The following FER variants were observed in gnomAD, a reference collection of about 807,000 sequenced individuals.
FER encodes the protein FER tyrosine kinase.
A neutral mutation model predicts 111.0 loss-of-function variants in FER; 63 were observed. That is an observed-to-expected ratio of 0.57 (90% CI 0.46 to 0.70). The LOEUF is 0.70. Among genes scored for constraint, FER ranks in the 30% least tolerant of loss-of-function variants. FER has a pLI of 0.00. For synonymous variants in FER, 327 were observed against 313.9 expected, an observed-to-expected ratio of 1.04 and a Z score of -0.44; for missense variants, 914 against 954.0, an observed-to-expected ratio of 0.96 and a Z score of 0.55.
intron 9 of FER, chr5:108,891,516 C>A (rs1230700431): frequency 6.6e-6 from 1 of 151,834 alleles, no homozygotes; most frequent in African/African-American, 2.4e-5. Flanking sequence ...CTCCTTCTCC[C>A]ATTCTCACTA....
intron 3 of FER, among the ~76,000 whole-genome samples, chr5:108,803,490 T>G (rs542361789): frequency 2.3e-3 from 343 of 152,296 alleles, no homozygotes; most frequent in Non-Finnish European, 3.7e-3. Flanking sequence ...CTTTAATCCA[T>G]TCTGAATTAA....
At position 108,832,791 on chromosome 5, in the gene FER, C is replaced by T; in HGVS notation, c.229C>T (p.Gln77Ter). 1 of 1,514,758 alleles carries T rather than the reference C, an allele frequency of 6.6e-7. No homozygotes were observed. The highest frequency in any genetic ancestry group is 8.8e-7 in the Non-Finnish European group (1 of 1,132,746). The allele number at this position is 1,514,758 out of a possible 1,614,324, so 93.8% of individuals were successfully genotyped here. A position where few individuals can be genotyped will look rare whatever the true frequency, so the allele number is the denominator to read the frequency against. Residue 77 changes from glutamine (Q) to a stop codon, truncating the protein, a stop_gained, in exon 4 of 20, where the codon CAG becomes TAG. Coordinates refer to ENST00000281092, the MANE Select transcript of FER (RefSeq NM_005246.4). LOFTEE classifies it high-confidence loss of function. ...TAAGTCTTGGCTACTTATGATTCAG[C>T]AGACAGAACAACTTAGTAGGATAAT... is the stretch of plus-strand genomic sequence containing the variant. ...VSKSWLLMIQ[Q>*]TEQLSRIMKT... is the part of the protein sequence containing the mutation.
chr5:108,838,690 G>T (rs1404535911), intron 5 of FER, among the ~76,000 whole-genome samples: 1 of 152,112 alleles, frequency 6.6e-6, no homozygotes, highest in Non-Finnish European at 1.5e-5. Flanking sequence ...TTAGTATAAT[G>T]TAAAATGTAA....
intron 10 of FER, among the ~76,000 whole-genome samples, chr5:108,911,071 A>C (rs1326876667): frequency 6.6e-6 from 1 of 152,142 alleles, no homozygotes; most frequent in Admixed American, 6.5e-5. Context: ...AAGTTTAACT[A>C]ATTTACATTC....
At chr5:109,184,850 TTTTTTTC>T (rs1467926413) in intron 18 of FER, among the ~76,000 whole-genome samples, 7 of 152,076 alleles carry the variant, frequency 4.6e-5, no homozygotes, top group African/African-American at 1.7e-4. Flanking sequence ...ACTAAGTACT[TTTTTTTC>T]TTTTTTTAAG....
chr5:109,186,402 G>A lies in FER; in HGVS notation c.2326+80G>A. ...TGCTTATAGTGTGTCTGCTTGAGGA[G>A]GGGTGTGTTAAATACTGTTTGGTTG... On this transcript the variant is annotated intron_variant, in intron 19 of 19. Transcript: ENST00000281092. 4 of 1,603,718 alleles carry A rather than the reference G, an allele frequency of 2.5e-6. No homozygotes were observed. In the South Asian group the frequency reaches 4.4e-5, roughly 18 times the overall value.
At position 109,190,830 on chromosome 5, in the gene FER, A is replaced by C. The variant is rs1472204453; in HGVS notation, c.*3255A>C. ...AAATACGATATTACTGAAACATCTT[A>C]TTAGCAGATAAGTATAGACCAGGAG... On this transcript the variant is annotated 3_prime_UTR_variant, in exon 20 of 20. Coordinates refer to ENST00000281092, the MANE Select transcript of FER (RefSeq NM_005246.4). 1 of 152,222 alleles carries C rather than the reference A, an allele frequency of 6.6e-6. No individual in the cohort carries two copies. Among genetic ancestry groups the C allele is most frequent in the Non-Finnish European group, 1.5e-5 (1 of 68,032 alleles). 9.4% of individuals were successfully genotyped at this position (152,222 alleles called of 1,614,324 possible).
At chr5:108,894,926 G>C (rs1025510172) in intron 9 of FER, among the ~76,000 whole-genome samples, 2 of 152,148 alleles carry the variant, frequency 1.3e-5, no homozygotes, top group African/African-American at 4.8e-5. Context: ...GTGGGAATTA[G>C]GGGGGCTACA....
In FER at chr5:108,867,930, A is replaced by G; in HGVS notation, c.645A>G (p.Gln215=). The change falls in exon 6 of 20, where the codon CAA becomes CAG. Residue 215 remains glutamine (Q), a synonymous_variant. Transcript: ENST00000281092. ...TTCTGGACTCCTTACAAAAGATGCA[A>G]GAAGAAATGATAAAAGCACTGTAAG... ...PLLLDSLQKM[Q]EEMIKALKGI... is the part of the protein sequence containing the mutation. The G allele has an allele frequency of 6.2e-7, 1 of 1,607,442 alleles. No homozygotes were observed. Among genetic ancestry groups the G allele is most frequent in the East Asian group, 2.2e-5 (1 of 44,806 alleles).
At chr5:108,933,857 T>C (rs932528510) in intron 10 of FER, among the ~76,000 whole-genome samples, 1 of 152,182 alleles carries the variant, frequency 6.6e-6, no homozygotes, top group African/African-American at 2.4e-5. Context: ...TTTTATTCTC[T>C]CTGTAGCAGT....
At chr5:108,893,319 A>G (rs1320480230) in intron 9 of FER, among the ~76,000 whole-genome samples, 1 of 151,356 alleles carries the variant, frequency 6.6e-6, no homozygotes, top group Non-Finnish European at 1.5e-5. Flanking sequence ...CTAAAAGTTT[A>G]ATAGTTTGAG....
chr5:108,984,322 A>T (rs528592358), intron 13 of FER, among the ~76,000 whole-genome samples: 1 of 152,170 alleles, frequency 6.6e-6, no homozygotes, highest in East Asian at 1.9e-4. Context: ...AAACAATTCT[A>T]TTAGTCAAGT....
At chr5:108,782,901 CT>C (rs1209683205) in intron 2 of FER, 2 of 152,142 alleles carry the variant, frequency 1.3e-5, no homozygotes, top group African/African-American at 4.8e-5. Flanking sequence ...ACTGTTAGCC[CT>C]TTGTCAAAAA....
chr5:108,816,505 G>A (rs769111596), intron 3 of FER, among the ~76,000 whole-genome samples: 36 of 152,124 alleles, frequency 2.4e-4, no homozygotes, highest in Non-Finnish European at 4.6e-4. Context: ...GCTTCTTAAC[G>A]TTTAATATGT....
rs577733330 is a variant in FER, at chr5:108,836,386, A to C, written c.481+579A>C. Among the ~76,000 whole-genome samples, 4 of 152,272 alleles carry C rather than the reference A, an allele frequency of 2.6e-5. No individual in the cohort carries two copies. In the East Asian group the frequency reaches 5.8e-4, roughly 22 times the overall value. The stretch of plus-strand genomic sequence containing the variant: ...TCTTGTATCTAAATTTTGAAATGTT[A>C]GATTTCAGTAAAGACTAAGCATAGT... On this transcript the variant is annotated intron_variant, in intron 5 of 19. Transcript: ENST00000281092.
intron 1 of FER, among the ~76,000 whole-genome samples, chr5:108,756,727 A>T (rs1217392233): frequency 6.6e-6 from 1 of 152,160 alleles, no homozygotes; most frequent in Non-Finnish European, 1.5e-5. Flanking sequence ...GTAGATTTAT[A>T]TACAATAGAA....
intron 16 of FER, among the ~76,000 whole-genome samples, chr5:109,085,673 G>T (rs950719614): frequency 1.3e-5 from 2 of 151,698 alleles, no homozygotes; most frequent in South Asian, 4.1e-4. Flanking sequence ...TAAGTATGGT[G>T]ATAGATGTAG....
chr5:108,993,598 C>T (rs938946725), intron 13 of FER, among the ~76,000 whole-genome samples: 7 of 94,308 alleles, frequency 7.4e-5, no homozygotes, highest in Middle Eastern at 0.011. Context: ...AGGGAGAGGG[C>T]GAGGGCGAGG....
At chr5:108,962,033 A>G (rs992487950) in intron 13 of FER, among the ~76,000 whole-genome samples, 3 of 152,218 alleles carry the variant, frequency 2.0e-5, no homozygotes, top group Non-Finnish European at 4.4e-5. Flanking sequence ...AAATATGTTT[A>G]TCATCATAAT....
Sources: gnomAD v4.1 joint callset for allele counts (sites outside exome capture counted in the v4.1 genomes callset) on GRCh38, gnomAD v4.1.1 for gene constraint, MANE v1.5 for transcripts, NCBI Gene and HGNC (gene_info 2026-07-23, HGNC 2026-07-21) for gene names.